Variants in ATRNL1 observed in about 807,000 individuals in gnomAD.
ATRNL1 encodes the protein attractin like 1, also known as attractin-like protein 1.
ATRNL1 carries 95 observed loss-of-function variants against 182.7 expected under a neutral mutation model. That is an observed-to-expected ratio of 0.52 (90% CI 0.44 to 0.62). The LOEUF is 0.62. ATRNL1 is among the 20% of genes least tolerant of loss of function. The pLI is 0.00. For synonymous variants in ATRNL1, 576 were observed against 568.3 expected, an observed-to-expected ratio of 1.01 and a Z score of -0.19; for missense variants, 1,471 against 1,679.5, an observed-to-expected ratio of 0.88 and a Z score of 2.17.
intron 26 of ATRNL1, among the ~76,000 whole-genome samples, chr10:115,590,548 T>A (rs1555011830): frequency 6.6e-6 from 1 of 152,148 alleles, no homozygotes; most frequent in Admixed American, 6.5e-5. Context: ...TTATGAATAT[T>A]AATGAATATT....
chr10:115,093,877 C>T lies in ATRNL1; in HGVS notation c.127C>T (p.Leu43=). Residue 43 remains leucine, a synonymous_variant, in exon 1 of 29, where the codon CTG becomes TTG. Transcript: ENST00000355044. This position sits in a 1 kb window ranked among gnomAD's most constrained non-coding sequence, Gnocchi z 6.1. ...CTGGCTGCTGGACGGGAACAGCTGG[C>T]TGCTGTGCTATGGCTTCCTCTACCT... is the stretch of plus-strand genomic sequence containing the variant. The part of the protein sequence containing the change: ...SSWLLDGNSW[L]LCYGFLYLAL... 7 of 1,586,394 alleles carry T rather than the reference C, an allele frequency of 4.4e-6. No homozygotes were observed. The highest frequency in any genetic ancestry group is 6.0e-6 in the Non-Finnish European group (7 of 1,168,912).
chr10:115,445,978 A>G (rs1171187396), intron 21 of ATRNL1, among the ~76,000 whole-genome samples: 2 of 152,134 alleles, frequency 1.3e-5, no homozygotes, highest in Non-Finnish European at 2.9e-5. Context: ...AACATATCAC[A>G]TTTTGTTTAC....
chr10:115,352,124 A>C (rs1388118284), intron 19 of ATRNL1, among the ~76,000 whole-genome samples: 1 of 152,010 alleles, frequency 6.6e-6, no homozygotes, highest in Non-Finnish European at 1.5e-5. Context: ...CATAGTCTCT[A>C]ATGATTCTTT....
At chr10:115,787,567 A>G (rs75550225) in intron 27 of ATRNL1, among the ~76,000 whole-genome samples, 7,139 of 152,128 alleles carry the variant, frequency 0.047, 492 homozygotes, top group African/African-American at 0.15. Context: ...GGGATATTAT[A>G]TTTAGAAGCT....
chr10:115,448,533 G>C (rs1438965443), intron 21 of ATRNL1, among the ~76,000 whole-genome samples: 1 of 152,066 alleles, frequency 6.6e-6, no homozygotes, highest in Non-Finnish European at 1.5e-5. Context: ...AGTGTTAAGA[G>C]GGAAATTCAA....
chr10:115,251,662 G>C (rs1271527358), intron 10 of ATRNL1, among the ~76,000 whole-genome samples: 1 of 152,146 alleles, frequency 6.6e-6, no homozygotes, highest in East Asian at 1.9e-4. Context: ...AAATAGCCTG[G>C]TGGGTTTTCT....
At chr10:115,354,919 A>G (rs929035663) in intron 19 of ATRNL1, among the ~76,000 whole-genome samples, 2 of 152,010 alleles carry the variant, frequency 1.3e-5, no homozygotes, top group Non-Finnish European at 2.9e-5. Flanking sequence ...GTCTTGAACT[A>G]AATATTTCCG....
At chr10:115,340,476 C>T (rs11197171) in intron 19 of ATRNL1, among the ~76,000 whole-genome samples, 78,066 of 95,004 alleles carry the variant, frequency 0.82, 30,819 homozygotes, top group Admixed American at 0.87. Context: ...CTTTTCTTTT[C>T]TTTTTTTTTT....
intron 27 of ATRNL1, among the ~76,000 whole-genome samples, chr10:115,732,961 A>G (rs922242379): frequency 1.3e-5 from 2 of 152,172 alleles, no homozygotes; most frequent in African/African-American, 4.8e-5. Context: ...GCAGTTATCC[A>G]TTGTAATCTA....
chr10:115,173,450 T>G (rs193148210), intron 8 of ATRNL1, among the ~76,000 whole-genome samples: 29 of 152,078 alleles, frequency 1.9e-4, no homozygotes, highest in African/African-American at 6.3e-4. Context: ...AATATCAAGG[T>G]ATGGAGTTTG....
intron 15 of ATRNL1, among the ~76,000 whole-genome samples, chr10:115,298,369 G>A (rs1468788749): frequency 6.6e-6 from 1 of 152,072 alleles, no homozygotes; most frequent in Non-Finnish European, 1.5e-5. Flanking sequence ...TTCATTTACT[G>A]AGTAATAGTT....
chr10:115,929,053 TGA>T (rs1555120969), intron 28 of ATRNL1, among the ~76,000 whole-genome samples: 1 of 152,030 alleles, frequency 6.6e-6, no homozygotes, highest in Admixed American at 6.6e-5. Flanking sequence ...CTGAAAAACA[TGA>T]GAGAATCAAA....
chr10:115,279,570 T>A (rs2133920244), intron 13 of ATRNL1, among the ~76,000 whole-genome samples: 1 of 152,292 alleles, frequency 6.6e-6, no homozygotes, highest in Non-Finnish European at 1.5e-5. Flanking sequence ...AATTTAAAGA[T>A]GTTTGATGGG....
chr10:115,460,034 T>C (rs765261398), intron 21 of ATRNL1, among the ~76,000 whole-genome samples: 1 of 152,230 alleles, frequency 6.6e-6, no homozygotes, highest in South Asian at 2.1e-4. Flanking sequence ...TTGTATTTAC[T>C]TGATGTCTAT....
At chr10:115,138,818 G>A (rs1162308011) in intron 5 of ATRNL1, among the ~76,000 whole-genome samples, 6 of 152,188 alleles carry the variant, frequency 3.9e-5, no homozygotes, top group Non-Finnish European at 8.8e-5. Context: ...AATTTATGCA[G>A]CCAGCTTTCT....
chr10:115,264,378 A>G (rs1554909806), intron 10 of ATRNL1, among the ~76,000 whole-genome samples: 1 of 151,682 alleles, frequency 6.6e-6, no homozygotes, highest in Non-Finnish European at 1.5e-5. Flanking sequence ...TTACCTAAAC[A>G]AAATTAATTT....
At chr10:115,448,626 G>A (rs896329394) in intron 21 of ATRNL1, among the ~76,000 whole-genome samples, 8 of 151,532 alleles carry the variant, frequency 5.3e-5, no homozygotes, top group African/African-American at 1.9e-4. Context: ...AGAGAAGCAA[G>A]AACAAATCAA....
chr10:115,640,914 T>G (rs2133856363), intron 26 of ATRNL1, among the ~76,000 whole-genome samples: 1 of 152,322 alleles, frequency 6.6e-6, no homozygotes, highest in South Asian at 2.1e-4. Flanking sequence ...AGTTTTACAT[T>G]TAAGCCTTTA....
chr10:115,731,029 G>A (rs552576840), intron 27 of ATRNL1, among the ~76,000 whole-genome samples: 2 of 152,020 alleles, frequency 1.3e-5, no homozygotes, highest in Admixed American at 6.6e-5. Context: ...TTCTAGTCTC[G>A]CTGGCAGATG....
Sources: gnomAD v4.1 joint callset for allele counts (sites outside exome capture counted in the v4.1 genomes callset) on GRCh38, gnomAD v4.1.1 for gene constraint, Gnocchi (gnomAD v3.1) non-coding constraint, MANE v1.5 for transcripts, NCBI Gene and HGNC (gene_info 2026-07-23, HGNC 2026-07-21) for gene names.